Variants in MAGI2 observed in about 807,000 individuals in gnomAD.
The protein encoded by MAGI2 is membrane associated guanylate kinase, WW and PDZ domain containing 2, also known as membrane-associated guanylate kinase, WW and PDZ domain-containing protein 2.
Under a neutral mutation model 133.3 loss-of-function variants are expected in MAGI2, and 35 were observed. That is an observed-to-expected ratio of 0.26 (90% CI 0.20 to 0.35). The LOEUF is 0.35. Among genes scored for constraint, MAGI2 ranks in the 10% least tolerant of loss-of-function variants. The pLI is 1.00. For synonymous variants in MAGI2, 729 were observed against 710.6 expected, an observed-to-expected ratio of 1.03 and a Z score of -0.41; for missense variants, 1,636 against 1,863.4, an observed-to-expected ratio of 0.88 and a Z score of 2.25.
At chr7:78,244,621 C>T (rs571959482) in intron 10 of MAGI2, among the ~76,000 whole-genome samples, 1 of 152,054 alleles carries the variant, frequency 6.6e-6, no homozygotes, top group South Asian at 2.1e-4. Context: ...AAAAATATAA[C>T]AAAAAGGAAA....
rs372797574 is a variant in MAGI2, at chr7:78,563,429, C to CA, written c.539-41785dup. On this transcript the variant is annotated intron_variant, in intron 3 of 21. Coordinates refer to ENST00000354212, the MANE Select transcript of MAGI2 (RefSeq NM_012301.4). Reference sequence around the variant, plus strand: ...TTAGTGGTCTCCTCAAGCACTTGGCCATTAGCTTTATGATGCAAAGCCACA... The same window carrying CA: ...TTAGTGGTCTCCTCAAGCACTTGGCCAATTAGCTTTATGATGCAAAGCCACA... 6.6e-4 allele frequency among the ~76,000 whole-genome samples: 100 copies of CA among 152,228 alleles called. 3 individuals are homozygous for CA. The highest frequency in any genetic ancestry group is 2.4e-3 in the African/African-American group (98 of 41,528).
chr7:78,269,386 A>C (rs1205841118), intron 9 of MAGI2, among the ~76,000 whole-genome samples: 1 of 152,060 alleles, frequency 6.6e-6, no homozygotes, highest in East Asian at 1.9e-4. Context: ...AGTTGAACTA[A>C]TTAAACTCCC....
chr7:78,193,389 T>C (rs999622763), intron 12 of MAGI2, among the ~76,000 whole-genome samples: 7 of 152,206 alleles, frequency 4.6e-5, no homozygotes, highest in African/African-American at 1.7e-4. Flanking sequence ...AACTTTATCT[T>C]ACTCTCTATT....
intron 21 of MAGI2, among the ~76,000 whole-genome samples, chr7:78,030,594 T>C (rs985834912): frequency 6.6e-6 from 1 of 152,168 alleles, no homozygotes; most frequent in Non-Finnish European, 1.5e-5. Context: ...CAAGATGATA[T>C]GCGGATGGAC....
intron 6 of MAGI2, chr7:78,484,484 G>A (rs765565404): frequency 2.0e-5 from 3 of 151,862 alleles, no homozygotes; most frequent in Non-Finnish European, 4.4e-5. Context: ...CAGAAACAAA[G>A]CCACCCAGTT....
intron 2 of MAGI2, among the ~76,000 whole-genome samples, chr7:78,924,051 T>G (rs1258343821): frequency 6.6e-6 from 1 of 152,184 alleles, no homozygotes; most frequent in Admixed American, 6.5e-5. Flanking sequence ...TTTTGTATCC[T>G]GAGAATTTGC....
intron 2 of MAGI2, among the ~76,000 whole-genome samples, chr7:78,991,130 G>T (rs1050815805): frequency 1.3e-5 from 2 of 151,260 alleles, no homozygotes; most frequent in Non-Finnish European, 3.0e-5. Flanking sequence ...CTTTTTGCTT[G>T]CTCTCTCTCT....
At chr7:78,368,952 C>T (rs1221498368) in intron 7 of MAGI2, among the ~76,000 whole-genome samples, 1 of 151,668 alleles carries the variant, frequency 6.6e-6, no homozygotes. Context: ...GTTTTAGAAT[C>T]GTTGAGTCAA....
At chr7:78,677,411 A>G (rs1020067343) in intron 2 of MAGI2, among the ~76,000 whole-genome samples, 5 of 151,876 alleles carry the variant, frequency 3.3e-5, no homozygotes, top group African/African-American at 9.7e-5. Context: ...ATATTAAAGT[A>G]TATTTTTTAT....
intron 14 of MAGI2, among the ~76,000 whole-genome samples, chr7:78,175,095 T>A (rs952286232): frequency 1.3e-5 from 2 of 152,192 alleles, no homozygotes; most frequent in Non-Finnish European, 2.9e-5. Flanking sequence ...TACAGCACTT[T>A]CTTGAGTTCT....
intron 2 of MAGI2, among the ~76,000 whole-genome samples, chr7:78,921,130 CA>C (rs113658623): frequency 0.26 from 39,582 of 151,908 alleles, 5,552 homozygotes; most frequent in Middle Eastern, 0.37. Context: ...CTTGGAGCTC[CA>C]CATCTCTGTC....
intron 10 of MAGI2, among the ~76,000 whole-genome samples, chr7:78,210,760 C>G (rs1291573654): frequency 6.6e-6 from 1 of 152,062 alleles, no homozygotes; most frequent in Non-Finnish European, 1.5e-5. Context: ...TAACAGAGAT[C>G]CAAGTAGAAA....
chr7:79,389,555 C>T (rs867681432), intron 1 of MAGI2, among the ~76,000 whole-genome samples: 3 of 152,046 alleles, frequency 2.0e-5, no homozygotes, highest in African/African-American at 7.2e-5. Flanking sequence ...ATGTAAATAG[C>T]ATTATTCTAT....
At chr7:78,776,018 T>C (rs1167874495) in intron 2 of MAGI2, among the ~76,000 whole-genome samples, 1 of 152,232 alleles carries the variant, frequency 6.6e-6, no homozygotes, top group Non-Finnish European at 1.5e-5. Context: ...CTGTCATTTG[T>C]GGGCTGTGTG....
At chr7:79,233,017 GAACATC>G (rs1831515385) in intron 1 of MAGI2, among the ~76,000 whole-genome samples, 1 of 110,278 alleles carries the variant, frequency 9.1e-6, no homozygotes, top group East Asian at 2.6e-4. Context: ...TGGTTTCAAA[GAACATC>G]TTTATTTCTG....
intron 9 of MAGI2, among the ~76,000 whole-genome samples, chr7:78,298,291 TG>T (rs1797493135): frequency 6.6e-6 from 1 of 152,122 alleles, no homozygotes; most frequent in Non-Finnish European, 1.5e-5. Flanking sequence ...AAATGTAATG[TG>T]GTATCCTGGA....
intron 1 of MAGI2, among the ~76,000 whole-genome samples, chr7:79,189,621 T>C (rs143272784): frequency 1.3e-5 from 2 of 151,898 alleles, no homozygotes; most frequent in Admixed American, 1.3e-4. Flanking sequence ...CCAATATTGA[T>C]ACCTTATCAT....
intron 1 of MAGI2, among the ~76,000 whole-genome samples, chr7:79,082,637 T>C (rs1049196495): frequency 2.6e-5 from 4 of 152,078 alleles, no homozygotes; most frequent in Non-Finnish European, 5.9e-5. Flanking sequence ...TTGGAATTTA[T>C]AAGCTCTGCT....
At chr7:79,093,314 C>A (rs540487254) in intron 1 of MAGI2, among the ~76,000 whole-genome samples, 1 of 152,140 alleles carries the variant, frequency 6.6e-6, no homozygotes, top group South Asian at 2.1e-4. Flanking sequence ...GATGCAGAAC[C>A]CAAAATAAAG....
Sources: gnomAD v4.1 joint callset for allele counts (sites outside exome capture counted in the v4.1 genomes callset) on GRCh38, gnomAD v4.1.1 for gene constraint, MANE v1.5 for transcripts, NCBI Gene and HGNC (gene_info 2026-07-23, HGNC 2026-07-21) for gene names.